The following VWA7 variants were observed in gnomAD, a reference collection of about 807,000 sequenced individuals.
VWA7 encodes the protein von Willebrand factor A domain-containing protein 7.
A neutral mutation model predicts 83.1 loss-of-function variants in VWA7; 66 were observed. The observed-to-expected ratio is 0.79, with a 90% CI of 0.65 to 0.98. The LOEUF (loss-of-function observed/expected upper bound fraction) is 0.98, where lower values mean the gene tolerates loss of function less well. Among genes scored for constraint, VWA7 ranks in the 50% least tolerant of loss-of-function variants. The pLI is 0.00. For missense variants in VWA7, 1,080 were observed against 1,160.2 expected (o/e 0.93, Z 1.00); for synonymous variants, 424 against 488.5 (o/e 0.87, Z 1.74).
rs9469050 is a variant in VWA7 at position 31,773,301 on chromosome 6, T to C, written c.858A>G (p.Leu286=). The part of the protein sequence containing the change: ...LHLQAAKLAL[L]ASIQAFSLLR... ...GAAGGCTGAAGGCCTGGATGGAGGC[T>C]AGAAGGGCCAGTTTTGCAGCCTGGA... Residue 286 remains leucine (L), a synonymous_variant, in exon 6 of 17, where the codon CTA becomes CTG. Coordinates refer to ENST00000375688, the MANE Select transcript of VWA7 (RefSeq NM_025258.3). This position sits in a 1 kb window ranked among gnomAD's most constrained non-coding sequence, Gnocchi z 5.3. 9.3e-4 allele frequency: 1,492 copies of C among 1,608,800 alleles called. 9 individuals carry two copies. In the African/African-American group the frequency reaches 0.014, roughly 15 times the overall value.
Position 31,775,938 on chromosome 6 carries a change from G to A in VWA7, c.513+26C>T. On this transcript the variant is annotated intron_variant, in intron 3 of 16. Transcript: ENST00000375688. This position sits in a 1 kb window ranked among gnomAD's most constrained non-coding sequence, Gnocchi z 5.9. The stretch of plus-strand genomic sequence containing the variant: ...CAGGCACGGAAGTGAAGACCCCTCT[G>A]ACCATCAACCCAACCCTGTTCTCAC... The A allele has an allele frequency of 6.3e-7, 1 of 1,587,912 alleles. No individual in the cohort carries two copies. Among genetic ancestry groups the A allele is most frequent in the Non-Finnish European group, 8.6e-7 (1 of 1,165,766 alleles).
chr6:31,768,512 G>A (rs533232314), intron 10 of VWA7, among the ~76,000 whole-genome samples: 1 of 151,986 alleles, frequency 6.6e-6, no homozygotes, highest in Admixed American at 6.6e-5. Flanking sequence ...GCAGAATACT[G>A]GAAGCCAAGT....
Position 31,765,712 on chromosome 6 carries a change from G to GAGC in VWA7, c.2557_2558insGCT (p.Ala853delinsGlySer). ...AGTCACCAATGTGAAGGGGGAAAAG[G>GAGC]CAGGGGTGGCCGTGGTGAGGATCGG... On this transcript the variant is annotated protein_altering_variant, in exon 17 of 17. Transcript: ENST00000375688. The GAGC allele has an allele frequency of 6.3e-7, 1 of 1,596,684 alleles. No individual in the cohort carries two copies. The highest frequency in any genetic ancestry group is 1.8e-5 in the Admixed American group (1 of 56,924).
At chr6:31,772,390 G>T (rs577154727) in intron 7 of VWA7, among the ~76,000 whole-genome samples, 33 of 151,786 alleles carry the variant, frequency 2.2e-4, no homozygotes, top group African/African-American at 6.3e-4. Flanking sequence ...GGGCTCAAAC[G>T]ATCCACCCAC....
chr6:31,776,688 G>T lies in VWA7; in HGVS notation c.92C>A (p.Pro31His). 1 of 1,528,370 alleles carries T rather than the reference G, an allele frequency of 6.5e-7. No individual in the cohort carries two copies. Among genetic ancestry groups the T allele is most frequent in the Non-Finnish European group, 8.8e-7 (1 of 1,135,512 alleles). 94.7% of individuals were successfully genotyped at this position (1,528,370 alleles called of 1,614,324 possible). ...LLLPPTSAFF[P>H]NIWSLLAAPG... Reference sequence around the variant, plus strand: ...GGCAGCCAGCAGGCTCCAGATGTTGGGGAAGAAGGCAGATGTGGGGGGCAG... The same window carrying T: ...GGCAGCCAGCAGGCTCCAGATGTTGTGGAAGAAGGCAGATGTGGGGGGCAG... Residue 31 changes from proline (P) to histidine (H), a missense_variant, in exon 2 of 17, where the codon CCC becomes CAC. Physicochemically the swap from Pro to His is moderately conservative, Grantham distance 77. Transcript: ENST00000375688. This position sits in a 1 kb window ranked among gnomAD's most constrained non-coding sequence, Gnocchi z 6.2.
intron 7 of VWA7, among the ~76,000 whole-genome samples, chr6:31,770,994 T>C (rs1283061270): frequency 1.6e-5 from 2 of 127,864 alleles, no homozygotes; most frequent in African/African-American, 3.0e-5. Flanking sequence ...AGAGTGAGAC[T>C]CTCCCTCTCT....
At position 31,767,174 on chromosome 6, in the gene VWA7, CA is replaced by C. The variant is rs1222391096; in HGVS notation, c.1865del (p.Leu622ArgfsTer14). On this transcript the variant is annotated frameshift_variant, in exon 13 of 17. Coordinates refer to ENST00000375688, the MANE Select transcript of VWA7 (RefSeq NM_025258.3). LOFTEE classifies it high-confidence loss of function. Reference sequence around the variant, plus strand: ...TAAATGTACCTGCAACTGGCTGAGTCAGGGGGTAGAGGCCAGGGTGGGGTCC... The same window carrying C: ...TAAATGTACCTGCAACTGGCTGAGTCGGGGGTAGAGGCCAGGGTGGGGTCC... ...EDGPHPGLYP[L>X]TQPVAGLQTQ... 1.3e-6 allele frequency: 2 copies of C among 1,532,862 alleles called. No homozygotes were observed. Among genetic ancestry groups the C allele is most frequent in the South Asian group, 1.3e-5 (1 of 75,380 alleles). 95.0% of individuals were successfully genotyped at this position (1,532,862 alleles called of 1,614,324 possible).
chr6:31,770,246 T>G lies in VWA7; in HGVS notation c.1088-133A>C, dbSNP rs1002853539. ...GTATTGAAATAACAATACTCCATTATAAGACTCATACTTGGCCGGGTGCGG... is the reference window on the plus strand; with the variant it reads ...GTATTGAAATAACAATACTCCATTAGAAGACTCATACTTGGCCGGGTGCGG... On this transcript the variant is annotated intron_variant, in intron 7 of 16. Transcript: ENST00000375688. The G allele has an allele frequency of 1.7e-5, 12 of 699,208 alleles. No homozygotes were observed. In the South Asian group the frequency reaches 2.0e-4, roughly 12 times the overall value. The allele number at this position is 699,208 out of a possible 1,614,324, so 43.3% of individuals were successfully genotyped here.
intron 10 of VWA7, among the ~76,000 whole-genome samples, chr6:31,767,963 T>C (rs1349843405): frequency 1.5e-4 from 21 of 142,654 alleles, no homozygotes; most frequent in Non-Finnish European, 2.7e-4. Context: ...AAACTACATC[T>C]CTACTAAAAA....
intron 7 of VWA7, among the ~76,000 whole-genome samples, chr6:31,772,436 G>A (rs1812264666): frequency 6.6e-6 from 1 of 151,834 alleles, no homozygotes; most frequent in Non-Finnish European, 1.5e-5. Flanking sequence ...ACAGGTGTGA[G>A]CCACCCCACC....
At chr6:31,772,593 T>C (rs1812295897) in intron 7 of VWA7, among the ~76,000 whole-genome samples, 1 of 129,396 alleles carries the variant, frequency 7.7e-6, no homozygotes, top group Non-Finnish European at 1.6e-5. Context: ...TCTTTTTTTT[T>C]TTTTTTTTTT....
In VWA7 at chr6:31,773,888, C is replaced by T. The variant is rs1263471016; in HGVS notation, c.722-451G>A. ...AATAAATGATGGCTGGGCACGGTGG[C>T]TCACACCAGTAATCCCAGCATTTTG... is the stretch of plus-strand genomic sequence containing the variant. On this transcript the variant is annotated intron_variant, in intron 5 of 16. Coordinates refer to ENST00000375688, the MANE Select transcript of VWA7 (RefSeq NM_025258.3). The surrounding 1 kb of genome is among the most constrained non-coding windows in gnomAD (Gnocchi z 5.3). 6.6e-6 allele frequency among the ~76,000 whole-genome samples: 1 copy of T among 151,788 alleles called. No individual in the cohort carries two copies. Among genetic ancestry groups the T allele is most frequent in the Non-Finnish European group, 1.5e-5 (1 of 67,996 alleles).
rs1192309658 is a variant in VWA7, at chr6:31,775,645, A to C, written c.514-216T>G. 3.3e-5 allele frequency among the ~76,000 whole-genome samples: 5 copies of C among 149,366 alleles called. No individual in the cohort carries two copies. Among genetic ancestry groups the C allele is most frequent in the Non-Finnish European group, 7.4e-5 (5 of 67,654 alleles). ...GGAAACTGTCCCAGCATCTCTTCCC[A>C]GCTCAGAGTCTAACCCAAGGCCTCT... On this transcript the variant is annotated intron_variant, in intron 3 of 16. Coordinates refer to ENST00000375688, the MANE Select transcript of VWA7 (RefSeq NM_025258.3). This position sits in a 1 kb window ranked among gnomAD's most constrained non-coding sequence, Gnocchi z 5.9.
rs1163714828 is a variant in VWA7 at position 31,769,788 on chromosome 6, C to T, written c.1204G>A (p.Ala402Thr). ...GAGAGTGGAGGTGTGTGCAGCAGGG[C>T]CAGCTGGCAGGGAAGGCAACGACCA... ...PEMCLSALQL[A>T]LLHTPPLSDI... Residue 402 changes from alanine (A) to threonine (T), a missense_variant, in exon 9 of 17, where the codon GCC becomes ACC. Ala to Thr is a moderately conservative substitution (Grantham distance 58, BLOSUM62 0). Coordinates refer to ENST00000375688, the MANE Select transcript of VWA7 (RefSeq NM_025258.3). The surrounding 1 kb of genome is among the most constrained non-coding windows in gnomAD (Gnocchi z 4.5). 1 of 1,612,944 alleles carries T rather than the reference C, an allele frequency of 6.2e-7. No individual in the cohort carries two copies. Among genetic ancestry groups the T allele is most frequent in the Non-Finnish European group, 8.5e-7 (1 of 1,179,954 alleles).
rs1249807280 is a variant in VWA7 at position 31,766,845 on chromosome 6, G to A, written c.1883-81C>T. ...AAGAATTAATGGCCTTCAAAATAGG[G>A]GTTCCCTCTGGGGAGTATGGATGGG... On this transcript the variant is annotated intron_variant, in intron 13 of 16. Coordinates refer to ENST00000375688, the MANE Select transcript of VWA7 (RefSeq NM_025258.3). This position sits in a 1 kb window ranked among gnomAD's most constrained non-coding sequence, Gnocchi z 4.9. 1.2e-5 allele frequency: 17 copies of A among 1,474,548 alleles called. No homozygotes were observed. The African/African-American group carries it at 2.4e-4, about 21-fold the overall frequency. The allele number at this position is 1,474,548 out of a possible 1,614,324, so 91.3% of individuals were successfully genotyped here.
At chr6:31,771,311 C>G (rs1365140925) in intron 7 of VWA7, 2 of 152,210 alleles carry the variant, frequency 1.3e-5, no homozygotes, top group Non-Finnish European at 2.9e-5. Flanking sequence ...CATTTCAACT[C>G]TGGGAGTTAG....
At position 31,767,238 on chromosome 6, in the gene VWA7, A is replaced by G; in HGVS notation, c.1802T>C (p.Leu601Pro). Residue 601 changes from leucine to proline, a missense_variant, in exon 13 of 17, where the codon CTG becomes CCG. Coordinates refer to ENST00000375688, the MANE Select transcript of VWA7 (RefSeq NM_025258.3). ...GATCCCAAAGTGGAAGAGGAAGTCC[A>G]GGGAGGTCTGGGCTGGGAAAGGGCA... ...PGVRVQAQTS[L>P]DFLFHFGIPM... 6.2e-7 allele frequency: 1 copy of G among 1,609,700 alleles called. No homozygotes were observed. Among genetic ancestry groups the G allele is most frequent in the Non-Finnish European group, 8.5e-7 (1 of 1,178,422 alleles).
In VWA7 at chr6:31,776,667, G is replaced by A. The variant is rs1280062351; in HGVS notation, c.113C>T (p.Ala38Val). 1 of 1,542,054 alleles carries A rather than the reference G, an allele frequency of 6.5e-7. No homozygotes were observed. The highest frequency in any genetic ancestry group is 2.5e-5 in the East Asian group (1 of 40,786). ...AFFPNIWSLL[A>V]APGSITHQDL... ...TTGGTGGGTGATGGAGCCAGGGGCA[G>A]CCAGCAGGCTCCAGATGTTGGGGAA... Residue 38 changes from alanine (A) to valine (V), a missense_variant, in exon 2 of 17, where the codon GCT becomes GTT. Physicochemically the swap from Ala to Val is moderately conservative, Grantham distance 64. Coordinates refer to ENST00000375688, the MANE Select transcript of VWA7 (RefSeq NM_025258.3). This position sits in a 1 kb window ranked among gnomAD's most constrained non-coding sequence, Gnocchi z 6.2.
At chr6:31,767,100 T>TTA (rs1384209727) in intron 13 of VWA7, 58 bp downstream of exon 13, 45 of 378,290 alleles carry the variant, frequency 1.2e-4, no homozygotes, top group South Asian at 1.7e-4. Flanking sequence ...ATTATATATT[T>TTA]TATATATATA....
Sources: gnomAD v4.1 joint callset for allele counts (sites outside exome capture counted in the v4.1 genomes callset) on GRCh38, gnomAD v4.1.1 for gene constraint, Gnocchi (gnomAD v3.1) non-coding constraint, MANE v1.5 for transcripts, NCBI Gene and HGNC (gene_info 2026-07-23, HGNC 2026-07-21) for gene names.